Variants in CDH6 observed in about 807,000 individuals in gnomAD.
CDH6 encodes cadherin-6.
A neutral mutation model predicts 78.0 loss-of-function variants in CDH6; 31 were observed. The observed-to-expected ratio is 0.40, with a 90% CI of 0.30 to 0.54. The LOEUF is 0.54. Among genes scored for constraint, CDH6 ranks in the 20% least tolerant of loss-of-function variants. The pLI is 0.56. For missense variants in CDH6, 724 were observed against 975.9 expected, an observed-to-expected ratio of 0.74 and a Z score of 3.44; for synonymous variants, 376 against 368.8, an observed-to-expected ratio of 1.02 and a Z score of -0.23.
chr5:31,217,600 GC>G (rs1223136936), intron 1 of CDH6, among the ~76,000 whole-genome samples: 9 of 152,228 alleles, frequency 5.9e-5, no homozygotes, highest in African/African-American at 2.2e-4. Context: ...CAGACACCAT[GC>G]CAGACACTGG....
At chr5:31,319,429 C>A (rs561105990) in intron 11 of CDH6, among the ~76,000 whole-genome samples, 1 of 152,210 alleles carries the variant, frequency 6.6e-6, no homozygotes, top group Non-Finnish European at 1.5e-5. Context: ...GTGCAAGATG[C>A]TTTACAAAGG....
intron 1 of CDH6, among the ~76,000 whole-genome samples, chr5:31,252,328 GGT>G (rs5867065): frequency 1.8e-4 from 27 of 148,952 alleles, no homozygotes; most frequent in Non-Finnish European, 2.7e-4. Context: ...ATGTGTGTGT[GGT>G]GTGTGTGTGT....
At chr5:31,318,039 G>T in intron 11 of CDH6, 115 bp downstream of exon 11, 1 of 1,249,710 alleles carries the variant, frequency 8.0e-7, no homozygotes, top group Non-Finnish European at 1.2e-6. Context: ...ATCTAGGTGA[G>T]TCGAGTTACA....
intron 1 of CDH6, among the ~76,000 whole-genome samples, chr5:31,226,574 C>T (rs11746698): frequency 3.7e-4 from 56 of 152,016 alleles, no homozygotes; most frequent in Non-Finnish European, 7.4e-4. Context: ...AGAGGTTGTG[C>T]GACTTGGCCA....
intron 2 of CDH6, among the ~76,000 whole-genome samples, chr5:31,288,553 T>C (rs1005590087): frequency 6.6e-6 from 1 of 152,234 alleles, no homozygotes; most frequent in African/African-American, 2.4e-5. Context: ...TAAAGATGTA[T>C]GTATACATGT....
In CDH6 at chr5:31,267,365, C is replaced by A; in HGVS notation, c.-109C>A. 2 of 761,680 alleles carry A rather than the reference C, an allele frequency of 2.6e-6. No homozygotes were observed. Among genetic ancestry groups the A allele is most frequent in the Non-Finnish European group, 4.5e-6 (2 of 447,678 alleles). The allele number at this position is 761,680 out of a possible 1,614,324, so 47.2% of individuals were successfully genotyped here. A position where few individuals can be genotyped will look rare whatever the true frequency, so the allele number is the denominator to read the frequency against. On this transcript the variant is annotated 5_prime_UTR_variant, in exon 2 of 12. Transcript: ENST00000265071. Reference sequence around the variant, plus strand: ...TTCCAGATATCCTCTGAGAGCCAAGCAAAGAACATTAAGGAAGGAAGGAGG... The same window carrying A: ...TTCCAGATATCCTCTGAGAGCCAAGAAAAGAACATTAAGGAAGGAAGGAGG...
In CDH6 at chr5:31,328,635, T is replaced by C. The variant is rs1303347820; in HGVS notation, c.*5327T>C. The C allele has an allele frequency of 4.8e-6, 1 of 206,898 alleles. No homozygotes were observed. Among genetic ancestry groups the C allele is most frequent in the Admixed American group, 5.9e-5 (1 of 16,826 alleles). 12.8% of individuals were successfully genotyped at this position (206,898 alleles called of 1,614,324 possible). On this transcript the variant is annotated 3_prime_UTR_variant, in exon 12 of 12. Transcript: ENST00000265071. ...GCAATTTGGCATTCTCCCACTGTGA[T>C]TTGTGACTTTTAAACCCACAAAATA...
At chr5:31,227,054 G>A (rs1046954186) in intron 1 of CDH6, among the ~76,000 whole-genome samples, 1 of 152,108 alleles carries the variant, frequency 6.6e-6, no homozygotes, top group Non-Finnish European at 1.5e-5. Flanking sequence ...CACACATCGG[G>A]TTACAGCAGA....
At chr5:31,204,316 G>T (rs1740453365) in intron 1 of CDH6, among the ~76,000 whole-genome samples, 2 of 152,106 alleles carry the variant, frequency 1.3e-5, no homozygotes, top group African/African-American at 4.8e-5. Context: ...TTGAAGAGAT[G>T]ACCTCAGTAC....
At chr5:31,243,253 C>T (rs1024098916) in intron 1 of CDH6, among the ~76,000 whole-genome samples, 17 of 152,124 alleles carry the variant, frequency 1.1e-4, no homozygotes, top group Non-Finnish European at 1.5e-4. Context: ...GGAGGCAGTG[C>T]GGGCTGGTAA....
At chr5:31,237,212 C>T (rs936545423) in intron 1 of CDH6, among the ~76,000 whole-genome samples, 1 of 151,890 alleles carries the variant, frequency 6.6e-6, no homozygotes, top group Non-Finnish European at 1.5e-5. Flanking sequence ...GAATCAGCCA[C>T]CAGGTTTAGG....
At chr5:31,199,574 C>T (rs890632186) in intron 1 of CDH6, among the ~76,000 whole-genome samples, 3 of 142,606 alleles carry the variant, frequency 2.1e-5, no homozygotes, top group Admixed American at 2.1e-4. Context: ...ATGCTCAGAG[C>T]ATATATATCT....
chr5:31,257,148 G>A (rs973277808), intron 1 of CDH6, among the ~76,000 whole-genome samples: 1 of 151,066 alleles, frequency 6.6e-6, no homozygotes, highest in Admixed American at 6.6e-5. Context: ...CAAGTGCTGT[G>A]AAGTATTCGC....
chr5:31,253,155 C>G (rs1741954903), intron 1 of CDH6, among the ~76,000 whole-genome samples: 1 of 152,150 alleles, frequency 6.6e-6, no homozygotes, highest in South Asian at 2.1e-4. Flanking sequence ...CAGAAGGGGT[C>G]AGGGATCTCA....
In CDH6 at chr5:31,288,989, A is replaced by G. The variant is rs1246609307; in HGVS notation, c.229-4973A>G. On this transcript the variant is annotated intron_variant, in intron 2 of 11. Transcript: ENST00000265071. The stretch of plus-strand genomic sequence containing the variant: ...GAGGGGGTTCTTTTATTTAATTTTT[A>G]TTTTAGATTCAGAGGGTACATGCAC... Among the ~76,000 whole-genome samples the G allele has an allele frequency of 3.3e-5, 5 of 151,726 alleles. 1 individual carries two copies.
intron 1 of CDH6, among the ~76,000 whole-genome samples, chr5:31,204,044 C>T (rs1468717326): frequency 6.6e-6 from 1 of 152,162 alleles, no homozygotes; most frequent in Non-Finnish European, 1.5e-5. Flanking sequence ...CCTGCTCAGC[C>T]ATAACTTTTG....
chr5:31,236,687 A>G (rs1416423236), intron 1 of CDH6, among the ~76,000 whole-genome samples: 2 of 152,136 alleles, frequency 1.3e-5, no homozygotes, highest in East Asian at 3.9e-4. Flanking sequence ...CCCGCCCCCC[A>G]TCTCCCAGTG....
rs1738651636 is a variant in CDH6 at position 31,327,788 on chromosome 5, C to G, written c.*4480C>G. On this transcript the variant is annotated 3_prime_UTR_variant, in exon 12 of 12. Transcript: ENST00000265071. ...AAGGGTAATTCTCTACTAAAAATAT[C>G]AGACCCCGACCATATTTAATGTGGA... 1 of 210,894 alleles carries G rather than the reference C, an allele frequency of 4.7e-6. No homozygotes were observed. Among genetic ancestry groups the G allele is most frequent in the African/African-American group, 2.3e-5 (1 of 44,174 alleles). The allele number at this position is 210,894 out of a possible 1,614,324, so 13.1% of individuals were successfully genotyped here. A position where few individuals can be genotyped will look rare whatever the true frequency, so the allele number is the denominator to read the frequency against.
Position 31,326,636 on chromosome 5 carries a change from A to T in CDH6, c.*3328A>T, listed in dbSNP as rs2149963871. ...ACGCAGTATAAAAAACGTGTGGTTT[A>T]GTTTTTATTTTCAGCTCCCAAAGAG... is the stretch of plus-strand genomic sequence containing the variant. On this transcript the variant is annotated 3_prime_UTR_variant, in exon 12 of 12. Coordinates refer to ENST00000265071, the MANE Select transcript of CDH6 (RefSeq NM_004932.4). The T allele has an allele frequency of 6.5e-6, 1 of 154,880 alleles. No homozygotes were observed. Among genetic ancestry groups the T allele is most frequent in the Non-Finnish European group, 1.4e-5 (1 of 72,202 alleles). 9.6% of individuals were successfully genotyped at this position (154,880 alleles called of 1,614,324 possible). A position where few individuals can be genotyped will look rare whatever the true frequency, so the allele number is the denominator to read the frequency against.
Sources: allele counts gnomAD v4.1 joint callset (sites outside exome capture counted in the v4.1 genomes callset), GRCh38; gene constraint gnomAD v4.1.1; transcripts MANE v1.5; gene names NCBI Gene and HGNC (gene_info 2026-07-23, HGNC 2026-07-21).